PTPRD: variants seen among roughly 807,000 people sequenced by gnomAD.
PTPRD encodes the protein protein tyrosine phosphatase receptor type D.
A neutral mutation model predicts 214.5 loss-of-function variants in PTPRD; 34 were observed. That is an observed-to-expected ratio of 0.16 (90% CI 0.12 to 0.21). PTPRD has a LOEUF of 0.21. PTPRD is among the 10% of genes least tolerant of loss of function. The pLI, the probability that PTPRD is intolerant of heterozygous loss-of-function variation, is 1.00. For missense variants in PTPRD, 2,545 were observed against 2,398.7 expected, an observed-to-expected ratio of 1.06 and a Z score of -1.27; for synonymous variants, 1,128 against 845.7, an observed-to-expected ratio of 1.33 and a Z score of -5.79.
chr9:9,931,156 T>C (rs948141144), intron 5 of PTPRD, among the ~76,000 whole-genome samples: 3 of 151,978 alleles, frequency 2.0e-5, no homozygotes, highest in African/African-American at 7.3e-5. Context: ...TTTTTTCCTA[T>C]AGAAAAAAAT....
intron 11 of PTPRD, among the ~76,000 whole-genome samples, chr9:8,985,579 C>G (rs1015988925): frequency 9.9e-5 from 15 of 151,068 alleles, no homozygotes; most frequent in African/African-American, 3.7e-4. Context: ...AGATTATACA[C>G]GCAGGGATAG....
intron 3 of PTPRD, among the ~76,000 whole-genome samples, chr9:10,163,456 TGA>T (rs1211463980): frequency 6.6e-6 from 1 of 151,502 alleles, no homozygotes; most frequent in Non-Finnish European, 1.5e-5. Flanking sequence ...TTTTATAAAG[TGA>T]GAGTGAATTT....
rs563251280 is a variant in PTPRD, at chr9:10,151,366, G to A, written c.-544-117576C>T. 9.8e-5 allele frequency among the ~76,000 whole-genome samples: 14 copies of A among 142,730 alleles called. No individual in the cohort carries two copies. The East Asian group carries it at 2.1e-3, about 21-fold the overall frequency. 93.6% of individuals were successfully genotyped at this position (142,730 alleles called of 152,430 possible). ...CAACCTTTGCCTCTCGAGTTCAAGC[G>A]ATTCTCCTTCCTCAGCCTCCCGAGT... On this transcript the variant is annotated intron_variant, in intron 3 of 45. Transcript: ENST00000381196.
At chr9:8,657,306 T>A (rs926897879) in intron 12 of PTPRD, among the ~76,000 whole-genome samples, 2 of 151,954 alleles carry the variant, frequency 1.3e-5, no homozygotes, top group East Asian at 1.9e-4. Context: ...TAGCTGGAAT[T>A]ACAGGCACCC....
chr9:9,958,392 G>C (rs13289632), intron 4 of PTPRD, among the ~76,000 whole-genome samples: 2 of 152,038 alleles, frequency 1.3e-5, no homozygotes, highest in South Asian at 4.1e-4. Flanking sequence ...TTAGCTGGGC[G>C]TGGTGGCACG....
chr9:9,597,696 T>C (rs1295495874), intron 7 of PTPRD, among the ~76,000 whole-genome samples: 2 of 151,764 alleles, frequency 1.3e-5, no homozygotes, highest in Non-Finnish European at 2.9e-5. Context: ...AGATATGTAA[T>C]TGATGGAGAA....
chr9:10,324,322 T>C (rs1382544418), intron 3 of PTPRD, among the ~76,000 whole-genome samples: 4 of 152,074 alleles, frequency 2.6e-5, no homozygotes, highest in African/African-American at 7.2e-5. Flanking sequence ...TAATACCTTA[T>C]AATATCTCCT....
intron 5 of PTPRD, among the ~76,000 whole-genome samples, chr9:9,933,740 T>G (rs1602744879): frequency 2.0e-5 from 3 of 148,022 alleles, no homozygotes; most frequent in East Asian, 3.9e-4. Context: ...AATAGACATC[T>G]ACAGAACTCT....
chr9:9,094,217 C>T (rs975035864), intron 10 of PTPRD, among the ~76,000 whole-genome samples: 5 of 152,126 alleles, frequency 3.3e-5, no homozygotes, highest in East Asian at 1.9e-4. Context: ...GAGAAAGACA[C>T]ATGCACACGC....
chr9:8,409,155 T>G (rs1354798071), intron 35 of PTPRD, among the ~76,000 whole-genome samples: 1 of 152,220 alleles, frequency 6.6e-6, no homozygotes, highest in East Asian at 1.9e-4. Context: ...GTTTTCTTTG[T>G]GCTTTGTACA....
intron 3 of PTPRD, among the ~76,000 whole-genome samples, chr9:10,167,081 C>G (rs1265437082): frequency 6.6e-6 from 1 of 151,240 alleles, no homozygotes; most frequent in Non-Finnish European, 1.5e-5. Flanking sequence ...CAGAATTTAT[C>G]TACTTGAGTT....
At chr9:9,742,391 T>G (rs2098413245) in intron 6 of PTPRD, among the ~76,000 whole-genome samples, 1 of 152,156 alleles carries the variant, frequency 6.6e-6, no homozygotes, top group Admixed American at 6.5e-5. Flanking sequence ...CGTAGAGAAA[T>G]GTATGCAGAA....
chr9:8,921,763 G>T (rs1432839887), intron 11 of PTPRD, among the ~76,000 whole-genome samples: 1 of 152,060 alleles, frequency 6.6e-6, no homozygotes, highest in Non-Finnish European at 1.5e-5. Context: ...CAAAGTGTTG[G>T]GATTACAGGA....
chr9:8,461,078 T>A (rs757281261), intron 32 of PTPRD, among the ~76,000 whole-genome samples: 31 of 152,092 alleles, frequency 2.0e-4, no homozygotes, highest in Non-Finnish European at 3.7e-4. Flanking sequence ...CGGTAGTCAT[T>A]AGTACTACTG....
chr9:9,604,406 A>G (rs2094006959), intron 7 of PTPRD, among the ~76,000 whole-genome samples: 1 of 152,068 alleles, frequency 6.6e-6, no homozygotes, highest in South Asian at 2.1e-4. Flanking sequence ...AATCTAAATA[A>G]TTTATACATA....
At chr9:8,916,184 A>C (rs1302304500) in intron 11 of PTPRD, among the ~76,000 whole-genome samples, 1 of 152,142 alleles carries the variant, frequency 6.6e-6, no homozygotes, top group African/African-American at 2.4e-5. Context: ...TTGGTTTAGA[A>C]AGAATAATGT....
intron 12 of PTPRD, among the ~76,000 whole-genome samples, chr9:8,723,431 G>A (rs1317478143): frequency 6.6e-6 from 1 of 152,006 alleles, no homozygotes; most frequent in Admixed American, 6.6e-5. Context: ...CCAAAGTCAC[G>A]CCGTTCAGTG....
intron 14 of PTPRD, among the ~76,000 whole-genome samples, chr9:8,530,236 A>G (rs1010828498): frequency 1.3e-5 from 2 of 152,010 alleles, no homozygotes; most frequent in Admixed American, 1.3e-4. Context: ...GCCGAGGGGT[A>G]AACTCAGTCT....
intron 8 of PTPRD, among the ~76,000 whole-genome samples, chr9:9,571,172 T>C (rs912760966): frequency 6.6e-6 from 1 of 151,516 alleles, no homozygotes; most frequent in Non-Finnish European, 1.5e-5. Context: ...GGCAAACACA[T>C]GTATGTTTGC....
Sources: allele counts gnomAD v4.1 joint callset (sites outside exome capture counted in the v4.1 genomes callset), GRCh38; gene constraint gnomAD v4.1.1; transcripts MANE v1.5; gene names NCBI Gene and HGNC (gene_info 2026-07-23, HGNC 2026-07-21).